The following NDUFB1 variants were observed in gnomAD, a reference collection of about 807,000 sequenced individuals.
NDUFB1 encodes NADH:ubiquinone oxidoreductase subunit B1.
NDUFB1 carries 6 observed loss-of-function variants against 6.7 expected under a neutral mutation model. That is an observed-to-expected ratio of 0.89 (90% confidence interval 0.49 to 1.76). The LOEUF (loss-of-function observed/expected upper bound fraction) is 1.76, where lower values mean the gene tolerates loss of function less well. Among genes scored for constraint, NDUFB1 ranks in the 40% most tolerant of loss-of-function variants. The pLI is 0.01. For synonymous variants in NDUFB1, 17 were observed against 22.9 expected, an observed-to-expected ratio of 0.74 and a Z score of 0.74; for missense variants, 56 against 71.0, an observed-to-expected ratio of 0.79 and a Z score of 0.76.
intron 1 of NDUFB1, among the ~76,000 whole-genome samples, chr14:92,119,170 G>A (rs986220093): frequency 6.6e-6 from 1 of 151,862 alleles, no homozygotes; most frequent in Admixed American, 6.6e-5. Flanking sequence ...AAATTAGCTG[G>A]GTGTGGTAGT....
At chr14:92,117,698 G>A in intron 1 of NDUFB1, 56 bp from the exon 2 acceptor site, 3 of 1,559,046 alleles carry the variant, frequency 1.9e-6, no homozygotes, top group South Asian at 1.2e-5. Context: ...TTTTGAAATA[G>A]CTTTTAAATT....
chr14:92,117,763 T>G (rs1460020949), intron 1 of NDUFB1, 121 bp from the exon 2 acceptor site: 1 of 957,370 alleles, frequency 1.0e-6, no homozygotes, highest in Non-Finnish European at 1.6e-6. Flanking sequence ...TTTGGGATGC[T>G]GAGGTGGGCA....
At position 92,116,331 on chromosome 14, in the gene NDUFB1, CTTTTTTTTTTTT is replaced by C. The variant is rs35571568; in HGVS notation, c.141-114_141-103del. 2.4e-5 allele frequency: 12 copies of C among 499,326 alleles called. No individual in the cohort carries two copies. In the Admixed American group the frequency reaches 2.5e-4, roughly 10 times the overall value. 30.9% of individuals were successfully genotyped at this position (499,326 alleles called of 1,614,324 possible). On this transcript the variant is annotated intron_variant, in intron 2 of 2. Coordinates refer to ENST00000605997, the MANE Select transcript of NDUFB1 (RefSeq NM_004545.4). ...AAGAATGATTGCAATATTTCATTTT[CTTTTTTTTTTTT>C]TTTTTTTTGAGACGAAGTCTGGCTT...
At chr14:92,120,318 C>T (rs975508051) in intron 1 of NDUFB1, 1 of 151,312 alleles carries the variant, frequency 6.6e-6, no homozygotes, top group Non-Finnish European at 1.5e-5. Context: ...CTTACACTGG[C>T]ATGCTTATAC....
intron 2 of NDUFB1, among the ~76,000 whole-genome samples, 190 bp downstream of exon 2, chr14:92,117,308 G>A (rs749900327): frequency 6.6e-6 from 1 of 152,088 alleles, no homozygotes; most frequent in African/African-American, 2.4e-5. Context: ...ATTAAATGAA[G>A]ACTTTAAATT....
intron 1 of NDUFB1, chr14:92,119,049 T>A (rs1021905671): frequency 4.4e-5 from 13 of 293,018 alleles, no homozygotes; most frequent in South Asian, 3.5e-4. Context: ...AGGTGGCTCA[T>A]GCCTGTAACC....
At chr14:92,117,930 G>A (rs987110263) in intron 1 of NDUFB1, 58 of 355,738 alleles carry the variant, frequency 1.6e-4, no homozygotes, top group Admixed American at 1.4e-3. Context: ...CCCAGGAGGC[G>A]GAGGTTGCAG....
intron 1 of NDUFB1, 37 bp downstream of exon 1, chr14:92,121,605 C>T (rs780214233): frequency 3.7e-6 from 6 of 1,611,256 alleles, no homozygotes; most frequent in Non-Finnish European, 5.1e-6. Flanking sequence ...TCGCCGTGAT[C>T]CTCGTCGCGG....
chr14:92,118,206 A>G (rs2068730015), intron 1 of NDUFB1: 1 of 157,606 alleles, frequency 6.3e-6, no homozygotes, highest in Non-Finnish European at 1.4e-5. Flanking sequence ...TACTAGCTTC[A>G]ATAGTGATGT....
In NDUFB1 at chr14:92,117,826, C is replaced by CA. The variant is rs2068727485; in HGVS notation, c.-5-185dup. On this transcript the variant is annotated intron_variant, in intron 1 of 2. Coordinates refer to ENST00000605997, the MANE Select transcript of NDUFB1 (RefSeq NM_004545.4). ...CAGCCTGGCCAACATGGCAAAACCC[C>CA]ATTTCTACTAAAAGCACAAAAATTA... 1.4e-5 allele frequency: 8 copies of CA among 587,972 alleles called. No homozygotes were observed. In the East Asian group the frequency reaches 2.5e-4, roughly 19 times the overall value. 36.4% of individuals were successfully genotyped at this position (587,972 alleles called of 1,614,324 possible).
intron 1 of NDUFB1, chr14:92,121,110 C>G (rs2068758125): frequency 6.4e-6 from 1 of 157,456 alleles, no homozygotes; most frequent in African/African-American, 2.4e-5. Flanking sequence ...TGGAGTGAGC[C>G]GAGATTGCAC....
chr14:92,120,017 T>C (rs1265356567), intron 1 of NDUFB1, among the ~76,000 whole-genome samples: 1 of 152,134 alleles, frequency 6.6e-6, no homozygotes, highest in African/African-American at 2.4e-5. Context: ...TGGGGGCATT[T>C]TGGATTTCCA....
chr14:92,116,286 G>T (rs1210371919), intron 2 of NDUFB1, 57 bp from the exon 3 acceptor site: 6 of 1,325,250 alleles, frequency 4.5e-6, no homozygotes, highest in East Asian at 4.6e-5. Context: ...ACTGTGATAC[G>T]AGATAAAAGG....
chr14:92,121,476 C>T (rs1183147631), intron 1 of NDUFB1, 166 bp downstream of exon 1: 2 of 1,017,676 alleles, frequency 2.0e-6, no homozygotes, highest in Non-Finnish European at 2.8e-6. Context: ...CATCCTCCAC[C>T]CGAAGAAAAC....
At chr14:92,117,301 A>G (rs1435907620) in intron 2 of NDUFB1, among the ~76,000 whole-genome samples, 197 bp downstream of exon 2, 2 of 152,260 alleles carry the variant, frequency 1.3e-5, no homozygotes, top group Non-Finnish European at 2.9e-5. Context: ...CCTATTCATT[A>G]AATGAAGACT....
In NDUFB1 at chr14:92,116,232, G is replaced by C; in HGVS notation, c.141-3C>G. The C allele has an allele frequency of 6.2e-7, 1 of 1,611,364 alleles. No individual in the cohort carries two copies. The highest frequency in any genetic ancestry group is 1.3e-5 in the African/African-American group (1 of 74,536). On this transcript the variant is annotated splice_region_variant and splice_polypyrimidine_tract_variant and intron_variant, in intron 2 of 2. Coordinates refer to ENST00000605997, the MANE Select transcript of NDUFB1 (RefSeq NM_004545.4). ...CTTCTTCACTGGGTTGCAATTCCCT[G>C]TGTGGAAAGCAAAAAAGGAAGAAAT...
Position 92,117,640 on chromosome 14 carries a change from T to G in NDUFB1, c.-3A>C. 6.2e-7 allele frequency: 1 copy of G among 1,611,514 alleles called. No homozygotes were observed. The highest frequency in any genetic ancestry group is 2.2e-5 in the East Asian group (1 of 44,816). On this transcript the variant is annotated splice_region_variant and 5_prime_UTR_variant, in exon 2 of 3. Coordinates refer to ENST00000605997, the MANE Select transcript of NDUFB1 (RefSeq NM_004545.4). ...ACAATCTGAAGTAAGTTCACCATGATAGCTAAAAGAAAAAAAAATTATCAG... is the reference window on the plus strand; with the variant it reads ...ACAATCTGAAGTAAGTTCACCATGAGAGCTAAAAGAAAAAAAAATTATCAG...
At chr14:92,121,533 C>T in intron 1 of NDUFB1, 109 bp downstream of exon 1, 1 of 1,517,786 alleles carries the variant, frequency 6.6e-7, no homozygotes, top group South Asian at 1.1e-5. Flanking sequence ...CCGGGGAAGC[C>T]CAGACCACCC....
rs142685286 is a variant in NDUFB1 at position 92,120,106 on chromosome 14, G to A, written c.-6+1536C>T. Among the ~76,000 whole-genome samples the A allele has an allele frequency of 2.7e-3, 415 of 152,084 alleles. 1 individual carries two copies. The highest frequency in any genetic ancestry group is 6.8e-3 in the Middle Eastern group (2 of 294). ...TGCACAATTCAATAAAAACATAGTT[G>A]GATTGCCAATTTTCTGTAAAAATTC... is the stretch of plus-strand genomic sequence containing the variant. On this transcript the variant is annotated intron_variant, in intron 1 of 2. Transcript: ENST00000605997.
Sources: gnomAD v4.1 joint callset for allele counts (sites outside exome capture counted in the v4.1 genomes callset) on GRCh38, gnomAD v4.1.1 for gene constraint, MANE v1.5 for transcripts, NCBI Gene and HGNC (gene_info 2026-07-23, HGNC 2026-07-21) for gene names.